Variants in RETREG2 observed in about 807,000 individuals in gnomAD.
RETREG2 encodes the protein reticulophagy regulator 2.
RETREG2 carries 21 observed loss-of-function variants against 51.6 expected under a neutral mutation model. That is an observed-to-expected ratio of 0.41 (90% CI 0.29 to 0.59). RETREG2 has a LOEUF of 0.59. Ranked by LOEUF, RETREG2 falls within the 20% of genes least tolerant of loss-of-function variation. The probability of loss-of-function intolerance (pLI) is 0.34; values close to 1 mark genes in which losing one functional copy is unlikely to be tolerated. For synonymous variants in RETREG2, 339 were observed against 288.6 expected (o/e 1.17, Z -1.77); for missense variants, 674 against 646.0 (o/e 1.04, Z -0.47).
chr2:219,180,349 A>C, intron 4 of RETREG2, 104 bp downstream of exon 4: 1 of 1,482,186 alleles, frequency 6.7e-7, no homozygotes, highest in Non-Finnish European at 9.3e-7. Context: ...GAGACCCTGA[A>C]AGAAGAGGCC....
rs754209001 is a variant in RETREG2 at position 219,181,067 on chromosome 2, A to C, written c.646A>C (p.Ser216Arg). 6.2e-7 allele frequency: 1 copy of C among 1,614,150 alleles called. No individual in the cohort carries two copies. Among genetic ancestry groups the C allele is most frequent in the Non-Finnish European group, 8.5e-7 (1 of 1,180,014 alleles). The change falls in exon 6 of 9, where the codon AGT becomes CGT. Residue 216 changes from serine (S) to arginine (R), a missense_variant. Coordinates refer to ENST00000430297, the MANE Select transcript of RETREG2 (RefSeq NM_024293.6). ...GIMISYIVLL[S>R]ILLWPLVVYH... is the part of the protein sequence containing the mutation. ...TTCACGTTCTTAACCCATAGTGTTG[A>C]GTATCCTGCTGTGGCCCCTGGTGGT...
rs892028570 is a variant in RETREG2 at position 219,183,745 on chromosome 2, C to T, written c.*1116C>T. ...GAGGAAATTGCTTTGTCTTCCCAAT[C>T]GGTAGAAATTCGGGACCATAAAAAT... On this transcript the variant is annotated 3_prime_UTR_variant, in exon 9 of 9. Coordinates refer to ENST00000430297, the MANE Select transcript of RETREG2 (RefSeq NM_024293.6). 2.0e-5 allele frequency: 3 copies of T among 152,212 alleles called. No homozygotes were observed. The highest frequency in any genetic ancestry group is 4.1e-4 in the South Asian group (2 of 4,826). 9.4% of individuals were successfully genotyped at this position (152,212 alleles called of 1,614,324 possible). A position where few individuals can be genotyped will look rare whatever the true frequency, so the allele number is the denominator to read the frequency against.
At position 219,178,989 on chromosome 2, in the gene RETREG2, C is replaced by T; in HGVS notation, c.349C>T (p.Leu117=). 2 of 1,614,016 alleles carry T rather than the reference C, an allele frequency of 1.2e-6. No individual in the cohort carries two copies. The highest frequency in any genetic ancestry group is 2.2e-5 in the South Asian group (2 of 91,080). The change falls in exon 2 of 9, where the codon CTG becomes TTG. Residue 117 remains leucine (L), a synonymous_variant. Coordinates refer to ENST00000430297, the MANE Select transcript of RETREG2 (RefSeq NM_024293.6). ...CGTCTCACTTTTGGCCTATTTTCTG[C>T]TGGATCTCTGGCAGCCTCGCTTTCT... is the stretch of plus-strand genomic sequence containing the variant. ...LSVSLLAYFL[L]DLWQPRFLPD...
rs1221872992 is a variant in RETREG2 at position 219,182,461 on chromosome 2, C to T, written c.1464C>T (p.Thr488=). ...LPAPEEEEAL[T]TEDFELLDQG... ...CCCCTGAGGAAGAAGAGGCACTCAC[C>T]ACTGAGGACTTTGAGTTGCTGGATC... Residue 488 remains threonine, a synonymous_variant, in exon 9 of 9, where the codon ACC becomes ACT. Coordinates refer to ENST00000430297, the MANE Select transcript of RETREG2 (RefSeq NM_024293.6). 6.2e-7 allele frequency: 1 copy of T among 1,613,930 alleles called. No homozygotes were observed. Among genetic ancestry groups the T allele is most frequent in the Non-Finnish European group, 8.5e-7 (1 of 1,180,012 alleles).
At position 219,182,011 on chromosome 2, in the gene RETREG2, A is replaced by C. The variant is rs1319340367; in HGVS notation, c.1016-2A>C. On this transcript the variant is annotated splice_acceptor_variant, in intron 8 of 8. Coordinates refer to ENST00000430297, the MANE Select transcript of RETREG2 (RefSeq NM_024293.6). LOFTEE classifies it high-confidence loss of function. ...ATTCTTAATTCTTTGTTCTCTGCAC[A>C]GATTTGGACCAGCAGAGCCTGCCAA... 2 of 1,612,748 alleles carry C rather than the reference A, an allele frequency of 1.2e-6. No individual in the cohort carries two copies.
chr2:219,183,955 A>G lies in RETREG2; in HGVS notation c.*1326A>G, dbSNP rs1400546501. On this transcript the variant is annotated 3_prime_UTR_variant, in exon 9 of 9. Coordinates refer to ENST00000430297, the MANE Select transcript of RETREG2 (RefSeq NM_024293.6). ...GGAACACTGAAGAAATAGTATCTTA[A>G]CAGTTACTGAGTCCATTGTATGTGC... is the stretch of plus-strand genomic sequence containing the variant. The G allele has an allele frequency of 6.6e-6, 1 of 152,234 alleles. No homozygotes were observed. Among genetic ancestry groups the G allele is most frequent in the Admixed American group, 6.5e-5 (1 of 15,284 alleles). 9.4% of individuals were successfully genotyped at this position (152,234 alleles called of 1,614,324 possible). A position where few individuals can be genotyped will look rare whatever the true frequency, so the allele number is the denominator to read the frequency against.
chr2:219,180,011 C>T (rs1950254344), intron 3 of RETREG2, 99 bp from the exon 4 acceptor site: 4 of 1,514,634 alleles, frequency 2.6e-6, no homozygotes, highest in Admixed American at 3.6e-5. Flanking sequence ...GGGTCATTTG[C>T]TTTTTTAGAC....
At chr2:219,180,884 A>T (rs1950268933) in intron 5 of RETREG2, 130 bp downstream of exon 5, 2 of 1,338,052 alleles carry the variant, frequency 1.5e-6, no homozygotes, top group African/African-American at 2.9e-5. Context: ...ATGCTTTAGT[A>T]TTAGTAACTG....
Position 219,178,391 on chromosome 2 carries a change from T to G in RETREG2, c.39T>G (p.Gly13=), listed in dbSNP as rs1242941894. 2.5e-5 allele frequency: 12 copies of G among 473,138 alleles called. No individual in the cohort carries two copies. Among genetic ancestry groups the G allele is most frequent in the Admixed American group, 1.3e-4 (3 of 22,580 alleles). 29.3% of individuals were successfully genotyped at this position (473,138 alleles called of 1,614,324 possible). A position where few individuals can be genotyped will look rare whatever the true frequency, so the allele number is the denominator to read the frequency against. ...GTGGCGGGGGTAACACTGGCGCGGG[T>G]GGGGGGCCGGGGATGGGCCTGAGCC... is the stretch of plus-strand genomic sequence containing the variant. ...SGGGGGNTGA[G]GGPGMGLSLG... The change falls in exon 1 of 9, where the codon GGT becomes GGG. Residue 13 remains glycine, a synonymous_variant. Transcript: ENST00000430297.
At position 219,184,822 on chromosome 2, in the gene RETREG2, TGG is replaced by T. The variant is rs67931920; in HGVS notation, c.*2195_*2196del. 58,807 of 119,450 alleles carry T rather than the reference TGG, an allele frequency of 0.49. 16,208 individuals are homozygous for T. The highest frequency in any genetic ancestry group is 0.61 in the Non-Finnish European group (36,787 of 60,064). 7.4% of individuals were successfully genotyped at this position (119,450 alleles called of 1,614,324 possible). A position where few individuals can be genotyped will look rare whatever the true frequency, so the allele number is the denominator to read the frequency against. ...TGTTGTTTTGGTTTTTTGTTTTTTGTGGGTTTTTTTTTTTTTTTTTTTGAGAC... is the reference window on the plus strand; with the variant it reads ...TGTTGTTTTGGTTTTTTGTTTTTTGTGTTTTTTTTTTTTTTTTTTTGAGAC... On this transcript the variant is annotated 3_prime_UTR_variant, in exon 9 of 9. Transcript: ENST00000430297.
chr2:219,178,923 T>C lies in RETREG2; in HGVS notation c.283T>C (p.Leu95=), dbSNP rs1950232843. 3.7e-6 allele frequency: 6 copies of C among 1,610,008 alleles called. No individual in the cohort carries two copies. The highest frequency in any genetic ancestry group is 5.1e-6 in the Non-Finnish European group (6 of 1,176,832). ...CTGAGGTGCCTGTCTCTCCCTAAGG[T>C]TGCTGTCTTCCTCGTCCCTCCGGCC... ...TAAALNGLFW[L]LSSSSLRPFF... is the part of the protein sequence containing the mutation. Residue 95 remains leucine (L), a splice_region_variant and synonymous_variant, in exon 2 of 9, where the codon TTG becomes CTG. Coordinates refer to ENST00000430297, the MANE Select transcript of RETREG2 (RefSeq NM_024293.6).
At position 219,184,689 on chromosome 2, in the gene RETREG2, C is replaced by G. The variant is rs1226466218; in HGVS notation, c.*2060C>G. The G allele has an allele frequency of 6.6e-6, 1 of 152,122 alleles. No individual in the cohort carries two copies. The highest frequency in any genetic ancestry group is 1.5e-5 in the Non-Finnish European group (1 of 68,024). 9.4% of individuals were successfully genotyped at this position (152,122 alleles called of 1,614,324 possible). On this transcript the variant is annotated 3_prime_UTR_variant, in exon 9 of 9. Coordinates refer to ENST00000430297, the MANE Select transcript of RETREG2 (RefSeq NM_024293.6). The stretch of plus-strand genomic sequence containing the variant: ...GACTGCAACATGTCCTATCTTTAAT[C>G]TATTTTCTTATTAAGCTTGGACATT...
chr2:219,179,370 T>A (rs1950242374), intron 2 of RETREG2, among the ~76,000 whole-genome samples: 1 of 152,222 alleles, frequency 6.6e-6, no homozygotes, highest in Admixed American at 6.5e-5. Flanking sequence ...ACTTACTTCA[T>A]AGAGAGGTGA....
At chr2:219,180,330 C>G in intron 4 of RETREG2, 85 bp downstream of exon 4, 2 of 1,551,228 alleles carry the variant, frequency 1.3e-6, no homozygotes, top group Non-Finnish European at 8.8e-7. Flanking sequence ...GATATAAACT[C>G]CCCGCTTGGA....
At position 219,180,763 on chromosome 2, in the gene RETREG2, GGT is replaced by G; in HGVS notation, c.640+10_640+11del. The G allele has an allele frequency of 6.2e-7, 1 of 1,613,920 alleles. No individual in the cohort carries two copies. The highest frequency in any genetic ancestry group is 8.5e-7 in the Non-Finnish European group (1 of 1,179,838). ...GATTTCCTACATTGTCTGTGAGTAG[GGT>G]CTGTCCCTGCCCTATTTAAAGCCCT... On this transcript the variant is annotated intron_variant, in intron 5 of 8. Transcript: ENST00000430297.
At chr2:219,181,610 A>G in intron 7 of RETREG2, 30 bp from the exon 8 acceptor site, 1 of 1,612,228 alleles carries the variant, frequency 6.2e-7, no homozygotes, top group Non-Finnish European at 8.5e-7. Context: ...ATCCCCTCAC[A>G]TGTCGTGTTC....
chr2:219,184,823 G>GTTTTTTTTTTTTTTTTTTTTTTTTTTTT lies in RETREG2; in HGVS notation c.*2194_*2195insTTTTTTTTTTTTTTTTTTTTTTTTTTTT, dbSNP rs1559224136. 1 of 30,802 alleles carries GTTTTTTTTTTTTTTTTTTTTTTTTTTTT rather than the reference G, an allele frequency of 3.2e-5. No individual in the cohort carries two copies. The highest frequency in any genetic ancestry group is 1.2e-4 in the Non-Finnish European group (1 of 8,296). 1.9% of individuals were successfully genotyped at this position (30,802 alleles called of 1,614,324 possible). On this transcript the variant is annotated 3_prime_UTR_variant, in exon 9 of 9. Coordinates refer to ENST00000430297, the MANE Select transcript of RETREG2 (RefSeq NM_024293.6). ...GTTGTTTTGGTTTTTTGTTTTTTGT[G>GTTTTTTTTTTTTTTTTTTTTTTTTTTTT]GGTTTTTTTTTTTTTTTTTTTGAGA... is the stretch of plus-strand genomic sequence containing the variant.
In RETREG2 at chr2:219,183,226, A is replaced by T. The variant is rs1950308485; in HGVS notation, c.*597A>T. 1 of 157,278 alleles carries T rather than the reference A, an allele frequency of 6.4e-6. No individual in the cohort carries two copies. The highest frequency in any genetic ancestry group is 1.4e-5 in the Non-Finnish European group (1 of 70,618). The allele number at this position is 157,278 out of a possible 1,614,324, so 9.7% of individuals were successfully genotyped here. On this transcript the variant is annotated 3_prime_UTR_variant, in exon 9 of 9. Transcript: ENST00000430297. ...GGCAGTGGGTCAGGCCAGTAGTTAC[A>T]CTCTTAGGTCACTGTAGTCTGTGTA...
intron 2 of RETREG2, among the ~76,000 whole-genome samples, 164 bp downstream of exon 2, chr2:219,179,192 T>C (rs1950238599): frequency 6.6e-6 from 1 of 152,250 alleles, no homozygotes; most frequent in Non-Finnish European, 1.5e-5. Flanking sequence ...AATTGCCCCT[T>C]TCCCAAACTA....
Sources: allele counts gnomAD v4.1 joint callset (sites outside exome capture counted in the v4.1 genomes callset), GRCh38; gene constraint gnomAD v4.1.1; transcripts MANE v1.5; gene names NCBI Gene and HGNC (gene_info 2026-07-23, HGNC 2026-07-21).